The following COPB2 variants were observed in gnomAD, a reference collection of about 807,000 sequenced individuals.
COPB2 encodes the protein coat protein complex I subunit beta 2, also known as coatomer subunit beta'.
COPB2 carries 16 observed loss-of-function variants against 120.8 expected under a neutral mutation model. That is an observed-to-expected ratio of 0.13 (90% CI 0.09 to 0.20). The LOEUF (loss-of-function observed/expected upper bound fraction) is 0.20, where lower values mean the gene tolerates loss of function less well. Ranked by LOEUF, COPB2 falls within the 10% of genes least tolerant of loss-of-function variation. The pLI, the probability that COPB2 is intolerant of heterozygous loss-of-function variation, is 1.00. For missense variants in COPB2, 794 were observed against 1,076.5 expected (o/e 0.74, Z 3.67); for synonymous variants, 332 against 366.3 (o/e 0.91, Z 1.07).
In COPB2 at chr3:139,374,569, G is replaced by T. The variant is rs1233133050; in HGVS notation, c.671C>A (p.Thr224Lys). Residue 224 changes from threonine (T) to lysine (K), a missense_variant, in exon 7 of 22, where the codon ACA becomes AAA. Physicochemically the swap from Thr to Lys is moderately conservative, Grantham distance 78. Coordinates refer to ENST00000333188, the MANE Select transcript of COPB2 (RefSeq NM_004766.3). ...WDYQNKTCVQ[T>K]LEGHAQNVSC... ...CACATTTTGGGCATGTCCTTCCAGT[G>T]TCTGCACACATGTTTTATTCTGTAA... The T allele has an allele frequency of 6.2e-7, 1 of 1,613,592 alleles. No individual in the cohort carries two copies. Among genetic ancestry groups the T allele is most frequent in the Non-Finnish European group, 8.5e-7 (1 of 1,179,810 alleles).
At position 139,379,452 on chromosome 3, in the gene COPB2, T is replaced by G; in HGVS notation, c.156A>C (p.Thr52=). The G allele has an allele frequency of 6.2e-7, 1 of 1,614,004 alleles. No individual in the cohort carries two copies. The highest frequency in any genetic ancestry group is 8.5e-7 in the Non-Finnish European group (1 of 1,179,932). Residue 52 remains threonine (T), a synonymous_variant, in exon 3 of 22, where the codon ACA becomes ACC. Coordinates refer to ENST00000333188, the MANE Select transcript of COPB2 (RefSeq NM_004766.3). ...WNHETQTLVK[T]FEVCDLPVRA... is the part of the protein sequence containing the mutation. ...GAACAGGAAGATCACATACTTCAAA[T>G]GTCTTCACCAGTGTCTTTAAAATGT...
In COPB2 at chr3:139,374,708, A is replaced by T; in HGVS notation, c.652-120T>A. Reference sequence around the variant, plus strand: ...TAGTAGTCATGAAAATCTAAATAATATCCAATATAGAAATTTTTGAAATAG... The same window carrying T: ...TAGTAGTCATGAAAATCTAAATAATTTCCAATATAGAAATTTTTGAAATAG... On this transcript the variant is annotated intron_variant, in intron 6 of 21. Transcript: ENST00000333188. 6.6e-6 allele frequency: 4 copies of T among 609,188 alleles called. No homozygotes were observed. The East Asian group carries it at 1.2e-4, about 19-fold the overall frequency. 37.7% of individuals were successfully genotyped at this position (609,188 alleles called of 1,614,324 possible). A position where few individuals can be genotyped will look rare whatever the true frequency, so the allele number is the denominator to read the frequency against.
chr3:139,360,514 T>G (rs1425828728), intron 17 of COPB2, among the ~76,000 whole-genome samples: 1 of 103,624 alleles, frequency 9.7e-6, no homozygotes, highest in African/African-American at 3.3e-5. Flanking sequence ...TGAGATTCCA[T>G]CTCAAAAAAA....
At chr3:139,379,489 A>G (rs768497279) in intron 2 of COPB2, 23 bp from the exon 3 acceptor site, 5 of 1,590,960 alleles carry the variant, frequency 3.1e-6, no homozygotes, top group Non-Finnish European at 4.3e-6. Context: ...ACAAGAATAC[A>G]CAAATTGAGC....
At chr3:139,358,296 A>G in intron 20 of COPB2, 25 bp from the exon 21 acceptor site, 1 of 1,593,192 alleles carries the variant, frequency 6.3e-7, no homozygotes. Flanking sequence ...GAAGATATAT[A>G]TGAAGACAAG....
chr3:139,375,445 A>C (rs1386111430), intron 6 of COPB2, 23 bp downstream of exon 6: 2 of 1,606,880 alleles, frequency 1.2e-6, no homozygotes, highest in Admixed American at 3.3e-5. Context: ...AACATATGGA[A>C]GTAAGGTTAT....
At chr3:139,386,559 C>G (rs1208627895) in intron 1 of COPB2, among the ~76,000 whole-genome samples, 1 of 152,140 alleles carries the variant, frequency 6.6e-6, no homozygotes, top group Admixed American at 6.5e-5. Flanking sequence ...ACATTCCTTG[C>G]TAGTTCCCAA....
chr3:139,372,367 CAG>C (rs1941637502), intron 9 of COPB2, among the ~76,000 whole-genome samples: 2 of 152,292 alleles, frequency 1.3e-5, no homozygotes, highest in South Asian at 4.1e-4. Context: ...CAGAATGCTG[CAG>C]AGTCAACGAA....
Position 139,358,420 on chromosome 3 carries a change from TGTAA to T in COPB2, c.2554-153_2554-150del. 7 of 705,768 alleles carry T rather than the reference TGTAA, an allele frequency of 9.9e-6. No individual in the cohort carries two copies. In the South Asian group the frequency reaches 1.2e-4, roughly 13 times the overall value. The allele number at this position is 705,768 out of a possible 1,614,324, so 43.7% of individuals were successfully genotyped here. The stretch of plus-strand genomic sequence containing the variant: ...TCAGCCAGGCACAGTGGCTCACGCC[TGTAA>T]TCCCAGCACTTTGGGAGGCCGAAGC... On this transcript the variant is annotated intron_variant, in intron 20 of 21. Transcript: ENST00000333188.
At chr3:139,364,117 T>C (rs1941474503) in intron 15 of COPB2, among the ~76,000 whole-genome samples, 1 of 152,044 alleles carries the variant, frequency 6.6e-6, no homozygotes, top group Non-Finnish European at 1.5e-5. Context: ...GTTTGGAAGC[T>C]GGAAAGCTGG....
intron 1 of COPB2, among the ~76,000 whole-genome samples, chr3:139,383,883 T>A (rs1941861830): frequency 6.6e-6 from 1 of 152,208 alleles, no homozygotes; most frequent in Admixed American, 6.5e-5. Flanking sequence ...AAAAATTTAG[T>A]GAAAAGAGTG....
At chr3:139,389,442 G>T (rs767971110) in intron 1 of COPB2, 106 bp downstream of exon 1, 7 of 1,367,952 alleles carry the variant, frequency 5.1e-6, no homozygotes, top group African/African-American at 1.5e-5. Flanking sequence ...GGCGGCGGCC[G>T]CAGCGGGAGC....
Position 139,385,613 on chromosome 3 carries a change from A to T in COPB2, c.4-2178T>A, listed in dbSNP as rs538822956. ...ATTTTAATGGATTTAAATTACAGAA[A>T]CAATGAAAATTGGAAAAATTTAAAA... is the stretch of plus-strand genomic sequence containing the variant. On this transcript the variant is annotated intron_variant, in intron 1 of 21. Transcript: ENST00000333188. Among the ~76,000 whole-genome samples, 56 of 152,364 alleles carry T rather than the reference A, an allele frequency of 3.7e-4. 1 individual carries two copies. The South Asian group carries it at 0.011, about 31-fold the overall frequency.
chr3:139,370,197 C>T (rs1262614753), intron 10 of COPB2, among the ~76,000 whole-genome samples: 1 of 152,184 alleles, frequency 6.6e-6, no homozygotes, highest in East Asian at 1.9e-4. Flanking sequence ...AGTAGTCCTC[C>T]CTTATCCATG....
intron 15 of COPB2, among the ~76,000 whole-genome samples, chr3:139,365,893 C>A (rs1360969320): frequency 6.6e-5 from 10 of 152,186 alleles, no homozygotes; most frequent in Admixed American, 6.5e-4. Context: ...AGTGATCAAT[C>A]AAAATTAGAA....
chr3:139,379,683 A>T, intron 2 of COPB2: 1 of 490,494 alleles, frequency 2.0e-6, no homozygotes, highest in Non-Finnish European at 3.6e-6. Flanking sequence ...AAGAGAAGGC[A>T]AATATCCACA....
At chr3:139,376,130 G>C (rs533482742) in intron 5 of COPB2, among the ~76,000 whole-genome samples, 1 of 152,162 alleles carries the variant, frequency 6.6e-6, no homozygotes, top group Non-Finnish European at 1.5e-5. Flanking sequence ...GAAGGCACAC[G>C]CATGTAGTCC....
intron 4 of COPB2, 139 bp downstream of exon 4, chr3:139,378,908 C>A (rs746768165): frequency 6.5e-6 from 5 of 763,978 alleles, no homozygotes; most frequent in Middle Eastern, 3.6e-4. Context: ...ATCAATAGCA[C>A]AGTAATGGAT....
At chr3:139,373,536 G>T in intron 8 of COPB2, 124 bp from the exon 9 acceptor site, 1 of 1,494,722 alleles carries the variant, frequency 6.7e-7, no homozygotes, top group Non-Finnish European at 9.2e-7. Context: ...AATCTTCATT[G>T]CTTAATGTCT....
Sources: gnomAD v4.1 joint callset for allele counts (sites outside exome capture counted in the v4.1 genomes callset) on GRCh38, gnomAD v4.1.1 for gene constraint, MANE v1.5 for transcripts, NCBI Gene and HGNC (gene_info 2026-07-23, HGNC 2026-07-21) for gene names.